SEZ6L: variants seen among roughly 807,000 people sequenced by gnomAD.
The protein encoded by SEZ6L is seizure 6-like protein.
Under a neutral mutation model 106.2 loss-of-function variants are expected in SEZ6L, and 37 were observed. That is an observed-to-expected ratio of 0.35 (90% CI 0.27 to 0.46). The LOEUF is 0.46. Among genes scored for constraint, SEZ6L ranks in the 20% least tolerant of loss-of-function variants. The pLI is 1.00. For synonymous variants in SEZ6L, 541 were observed against 570.4 expected (o/e 0.95, Z 0.73); for missense variants, 1,172 against 1,332.8 (o/e 0.88, Z 1.88).
intron 15 of SEZ6L, among the ~76,000 whole-genome samples, chr22:26,377,399 T>G (rs1262895169): frequency 6.6e-6 from 1 of 152,170 alleles, no homozygotes; most frequent in African/African-American, 2.4e-5. Flanking sequence ...TGAATGACCT[T>G]CCAGGAGAAA....
intron 1 of SEZ6L, among the ~76,000 whole-genome samples, chr22:26,203,695 T>TA (rs953834948): frequency 5.9e-5 from 9 of 152,090 alleles, no homozygotes; most frequent in Middle Eastern, 3.4e-3. Flanking sequence ...ATGCTACAGT[T>TA]AAAAAAAACT....
chr22:26,281,329 C>T (rs547152759), intron 1 of SEZ6L, among the ~76,000 whole-genome samples: 1 of 152,026 alleles, frequency 6.6e-6, no homozygotes, highest in Non-Finnish European at 1.5e-5. Context: ...TTCTCAGCCT[C>T]CAGAATTGTA....
chr22:26,361,984 T>C (rs1052599454), intron 12 of SEZ6L, among the ~76,000 whole-genome samples: 3 of 152,052 alleles, frequency 2.0e-5, no homozygotes, highest in African/African-American at 7.2e-5. Context: ...CTGTTCATTA[T>C]ACCATCTATG....
At chr22:26,270,227 G>T (rs758114077) in intron 1 of SEZ6L, among the ~76,000 whole-genome samples, 8 of 152,108 alleles carry the variant, frequency 5.3e-5, no homozygotes, top group Non-Finnish European at 1.5e-5. Context: ...ACACAGGGAG[G>T]GCTCAGTGAT....
Position 26,320,749 on chromosome 22 carries a change from A to T in SEZ6L, c.2015+6847A>T, listed in dbSNP as rs150809159. ...GGGAGAAGCTTTCCTGAGAACAGTA[A>T]AGTCTAAGTCAGTTTTTCTCAACCA... On this transcript the variant is annotated intron_variant, in intron 9 of 16. Transcript: ENST00000248933. 4.6e-3 allele frequency among the ~76,000 whole-genome samples: 696 copies of T among 152,216 alleles called. 4 individuals carry two copies. Among genetic ancestry groups the T allele is most frequent in the African/African-American group, 0.016 (668 of 41,526 alleles).
At chr22:26,250,265 C>A (rs1473401937) in intron 1 of SEZ6L, among the ~76,000 whole-genome samples, 1 of 151,822 alleles carries the variant, frequency 6.6e-6, no homozygotes, top group African/African-American at 2.4e-5. Flanking sequence ...AGATGTTTCC[C>A]CTATGTTTTC....
intron 1 of SEZ6L, among the ~76,000 whole-genome samples, chr22:26,237,072 A>T (rs978638070): frequency 2.6e-5 from 4 of 152,178 alleles, no homozygotes; most frequent in African/African-American, 9.6e-5. Flanking sequence ...TGAGTCACAC[A>T]GGGATAGGTT....
At chr22:26,198,315 A>T (rs940451114) in intron 1 of SEZ6L, among the ~76,000 whole-genome samples, 1 of 152,220 alleles carries the variant, frequency 6.6e-6, no homozygotes, top group Non-Finnish European at 1.5e-5. Context: ...ATACATGTAA[A>T]AGTACTTCAG....
intron 1 of SEZ6L, among the ~76,000 whole-genome samples, chr22:26,288,694 T>C (rs1018783011): frequency 1.3e-5 from 2 of 152,202 alleles, no homozygotes; most frequent in African/African-American, 4.8e-5. Context: ...AAGGAGGCAA[T>C]GGATGCAAAG....
At chr22:26,280,447 A>T (rs1236477961) in intron 1 of SEZ6L, among the ~76,000 whole-genome samples, 2 of 152,148 alleles carry the variant, frequency 1.3e-5, no homozygotes, top group African/African-American at 4.8e-5. Context: ...ATGCAAATAT[A>T]TGTAGCCTTG....
chr22:26,324,228 C>T (rs12169255), intron 9 of SEZ6L, among the ~76,000 whole-genome samples: 4,329 of 152,210 alleles, frequency 0.028, 77 homozygotes, highest in South Asian at 0.043. Flanking sequence ...ACATCTACTG[C>T]GAACATACAT....
chr22:26,256,485 C>T (rs2079825362), intron 1 of SEZ6L, among the ~76,000 whole-genome samples: 1 of 152,224 alleles, frequency 6.6e-6, no homozygotes, highest in South Asian at 2.1e-4. Flanking sequence ...TACAGAAGTT[C>T]TCGGCCTTGT....
chr22:26,176,049 C>T (rs1389666933), intron 1 of SEZ6L, among the ~76,000 whole-genome samples: 2 of 152,216 alleles, frequency 1.3e-5, no homozygotes, highest in Non-Finnish European at 2.9e-5. Flanking sequence ...TGCTGTTTGC[C>T]ATTGATTGTG....
Position 26,324,091 on chromosome 22 carries a change from C to A in SEZ6L, c.2015+10189C>A, listed in dbSNP as rs867259295. Among the ~76,000 whole-genome samples, 831 of 149,476 alleles carry A rather than the reference C, an allele frequency of 5.6e-3. 3 individuals carry two copies. The highest frequency in any genetic ancestry group is 0.014 in the Middle Eastern group (4 of 292). On this transcript the variant is annotated intron_variant, in intron 9 of 16. Coordinates refer to ENST00000248933, the MANE Select transcript of SEZ6L (RefSeq NM_021115.5). The stretch of plus-strand genomic sequence containing the variant: ...ACACACACACACACACACACACACA[C>A]ACACACACACAAACACACACACACA...
chr22:26,320,545 A>G (rs371971041), intron 9 of SEZ6L, among the ~76,000 whole-genome samples: 13 of 152,316 alleles, frequency 8.5e-5, no homozygotes, highest in African/African-American at 3.1e-4. Flanking sequence ...TCGATTCCAC[A>G]TATATTTATT....
At chr22:26,177,170 G>A (rs1326917934) in intron 1 of SEZ6L, among the ~76,000 whole-genome samples, 5 of 152,170 alleles carry the variant, frequency 3.3e-5, no homozygotes, top group African/African-American at 9.6e-5. Context: ...GTGGTCTTAG[G>A]CAGCCTGTAT....
chr22:26,302,868 C>T (rs575546287), intron 5 of SEZ6L, among the ~76,000 whole-genome samples: 1 of 152,330 alleles, frequency 6.6e-6, no homozygotes, highest in African/African-American at 2.4e-5. Flanking sequence ...AAACGATCAG[C>T]AGCTTGGGAG....
intron 9 of SEZ6L, among the ~76,000 whole-genome samples, chr22:26,314,213 A>T (rs1344634681): frequency 6.6e-6 from 1 of 152,180 alleles, no homozygotes; most frequent in Admixed American, 6.5e-5. Context: ...TCAATATGTG[A>T]TGTAAGGAGA....
intron 1 of SEZ6L, among the ~76,000 whole-genome samples, chr22:26,206,918 T>C (rs1941300118): frequency 6.6e-6 from 1 of 152,194 alleles, no homozygotes; most frequent in Admixed American, 6.5e-5. Flanking sequence ...GCCACAGTGA[T>C]TTATTTTGAA....
Sources: gnomAD v4.1 joint callset for allele counts (sites outside exome capture counted in the v4.1 genomes callset) on GRCh38, gnomAD v4.1.1 for gene constraint, MANE v1.5 for transcripts, NCBI Gene and HGNC (gene_info 2026-07-23, HGNC 2026-07-21) for gene names.